The following WWTR1 variants were observed in gnomAD, a reference collection of about 807,000 sequenced individuals.
WWTR1 encodes the protein WW domain containing transcription regulator 1.
WWTR1 carries 13 observed loss-of-function variants against 40.1 expected under a neutral mutation model. That is an observed-to-expected ratio of 0.32 (90% CI 0.21 to 0.52). The LOEUF is 0.52. Ranked by LOEUF, WWTR1 falls within the 20% of genes least tolerant of loss-of-function variation. The pLI, the probability that WWTR1 is intolerant of heterozygous loss-of-function variation, is 0.97. For synonymous variants in WWTR1, 230 were observed against 210.1 expected (o/e 1.09, Z -0.82); for missense variants, 436 against 523.1 (o/e 0.83, Z 1.63).
intron 2 of WWTR1, among the ~76,000 whole-genome samples, chr3:149,623,865 G>C (rs539950730): frequency 6.6e-6 from 1 of 152,218 alleles, no homozygotes; most frequent in African/African-American, 2.4e-5. Flanking sequence ...ACTTAATTCT[G>C]CATCTCCTCG....
chr3:149,622,490 G>GAAAGAAAGAAAGAAAGAAAAGA (rs1560089654), intron 2 of WWTR1, among the ~76,000 whole-genome samples: 1 of 62,648 alleles, frequency 1.6e-5, no homozygotes, highest in African/African-American at 5.1e-5. Flanking sequence ...AGGAAGGAAG[G>GAAAGAAAGAAAGAAAGAAAAGA]AAGGAAGGAA....
In WWTR1 at chr3:149,517,929, T is replaced by C. The variant is rs1427714048; in HGVS notation, c.*2876A>G. Reference sequence around the variant, plus strand: ...TGAAATGATGATGTTTACTGATTGATTTAGTACTAAAAAGACTAGTACTAA... The same window carrying C: ...TGAAATGATGATGTTTACTGATTGACTTAGTACTAAAAAGACTAGTACTAA... On this transcript the variant is annotated 3_prime_UTR_variant, in exon 7 of 7. Transcript: ENST00000360632. 6.6e-6 allele frequency: 1 copy of C among 152,164 alleles called. No individual in the cohort carries two copies. Among genetic ancestry groups the C allele is most frequent in the African/African-American group, 2.4e-5 (1 of 41,442 alleles). The allele number at this position is 152,164 out of a possible 1,614,324, so 9.4% of individuals were successfully genotyped here.
chr3:149,623,386 T>C (rs1342336159), intron 2 of WWTR1, among the ~76,000 whole-genome samples: 2 of 151,964 alleles, frequency 1.3e-5, no homozygotes, highest in African/African-American at 2.4e-5. Flanking sequence ...GTTTATCATA[T>C]GGCCATTTAA....
chr3:149,550,608 G>A (rs1245459062), intron 3 of WWTR1, among the ~76,000 whole-genome samples: 1 of 152,192 alleles, frequency 6.6e-6, no homozygotes, highest in Non-Finnish European at 1.5e-5. Context: ...TAAAGAAGCT[G>A]TTTAGGACAC....
chr3:149,705,296 C>A (rs544072493), upstream of WWTR1, among the ~76,000 whole-genome samples: 1 of 152,134 alleles, frequency 6.6e-6, no homozygotes, highest in East Asian at 1.9e-4. Context: ...AGATTGATAG[C>A]GCCCCCAAAA....
chr3:149,693,470 G>A (rs1199181087), intron 1 of WWTR1, among the ~76,000 whole-genome samples: 1 of 151,324 alleles, frequency 6.6e-6, no homozygotes. Context: ...CACATAAACA[G>A]AAAAAAAAAT....
chr3:149,530,628 TA>T (rs1735531059), intron 4 of WWTR1, among the ~76,000 whole-genome samples: 1 of 151,504 alleles, frequency 6.6e-6, no homozygotes, highest in Non-Finnish European at 1.5e-5. Context: ...AATATATAAA[TA>T]AAATATATAA....
chr3:149,683,348 A>G (rs1714523529), intron 1 of WWTR1, among the ~76,000 whole-genome samples: 1 of 152,202 alleles, frequency 6.6e-6, no homozygotes, highest in Non-Finnish European at 1.5e-5. Context: ...AGGCCTTTCT[A>G]GATTCCAGAG....
intron 1 of WWTR1, among the ~76,000 whole-genome samples, chr3:149,688,580 C>A (rs1230968933): frequency 6.6e-6 from 1 of 152,186 alleles, no homozygotes; most frequent in Non-Finnish European, 1.5e-5. Context: ...GATTGGGGTG[C>A]CTCCTAATGC....
At chr3:149,702,671 G>A (rs895036221) in intron 1 of WWTR1, 3 of 151,964 alleles carry the variant, frequency 2.0e-5, no homozygotes, top group East Asian at 1.9e-4. Context: ...AAAAAAAAAG[G>A]AGTATCAGAC....
At chr3:149,588,178 A>T (rs1427257585) in intron 2 of WWTR1, among the ~76,000 whole-genome samples, 1 of 152,188 alleles carries the variant, frequency 6.6e-6, no homozygotes, top group South Asian at 2.1e-4. Context: ...AGCAATAGAC[A>T]TACGTTTCTG....
intron 2 of WWTR1, among the ~76,000 whole-genome samples, chr3:149,607,617 AC>A (rs1739549188): frequency 6.6e-6 from 1 of 152,200 alleles, no homozygotes; most frequent in Non-Finnish European, 1.5e-5. Context: ...CCCAGCCTTG[AC>A]GTAGTGATTT....
intron 5 of WWTR1, 136 bp downstream of exon 5, chr3:149,527,700 C>G: frequency 7.8e-7 from 1 of 1,277,908 alleles, no homozygotes; most frequent in South Asian, 1.5e-5. Context: ...CTGCCAGCTC[C>G]TCCCACTTCC....
At chr3:149,673,317 T>G (rs1195576261) in intron 1 of WWTR1, among the ~76,000 whole-genome samples, 1 of 152,206 alleles carries the variant, frequency 6.6e-6, no homozygotes, top group Admixed American at 6.5e-5. Context: ...AGAAGTAGGT[T>G]TTAATTACTT....
At position 149,552,090 on chromosome 3, in the gene WWTR1, G is replaced by A. The variant is rs566891402; in HGVS notation, c.569-9553C>T. The stretch of plus-strand genomic sequence containing the variant: ...GGAAAACCTTTCCTGTTGGACTCCT[G>A]GTTGAGCCATACATCTGAAGTAAAG... On this transcript the variant is annotated intron_variant, in intron 3 of 6. Transcript: ENST00000360632. Among the ~76,000 whole-genome samples the A allele has an allele frequency of 2.7e-5, 4 of 145,516 alleles. 1 individual carries two copies. Among genetic ancestry groups the A allele is most frequent in the Admixed American group, 2.7e-4 (4 of 14,582 alleles).
At chr3:149,595,416 T>A (rs1454130156) in intron 2 of WWTR1, among the ~76,000 whole-genome samples, 1 of 152,196 alleles carries the variant, frequency 6.6e-6, no homozygotes, top group Non-Finnish European at 1.5e-5. Context: ...AGTAATTTTG[T>A]TATGTAAGAA....
At chr3:149,587,955 T>C (rs1207067468) in intron 2 of WWTR1, among the ~76,000 whole-genome samples, 1 of 152,200 alleles carries the variant, frequency 6.6e-6, no homozygotes, top group Non-Finnish European at 1.5e-5. Context: ...AGTATATCAA[T>C]ATGCAACAAA....
intron 2 of WWTR1, among the ~76,000 whole-genome samples, chr3:149,617,244 C>G (rs746539586): frequency 6.6e-6 from 1 of 152,124 alleles, no homozygotes; most frequent in African/African-American, 2.4e-5. Flanking sequence ...GAAGGAAAAA[C>G]GAACTTTCAT....
At chr3:149,538,190 G>T (rs750557883) in intron 4 of WWTR1, among the ~76,000 whole-genome samples, 2 of 152,092 alleles carry the variant, frequency 1.3e-5, no homozygotes, top group Non-Finnish European at 2.9e-5. Flanking sequence ...GAAGTGCTGG[G>T]ATTACACGCG....
Sources: gnomAD v4.1 joint callset for allele counts (sites outside exome capture counted in the v4.1 genomes callset) on GRCh38, gnomAD v4.1.1 for gene constraint, MANE v1.5 for transcripts, NCBI Gene and HGNC (gene_info 2026-07-23, HGNC 2026-07-21) for gene names.